MKRN2OS: variants seen among roughly 807,000 people sequenced by gnomAD.
The protein encoded by MKRN2OS is MKRN2 opposite strand protein.
Under a neutral mutation model 18.2 loss-of-function variants are expected in MKRN2OS, and 17 were observed. The observed-to-expected ratio is 0.93, with a 90% CI of 0.64 to 1.40. The LOEUF is 1.40. Ranked by LOEUF, MKRN2OS falls within the 40% of genes most tolerant of loss-of-function variation. The pLI is 0.00. For missense variants in MKRN2OS, 337 were observed against 283.0 expected, an observed-to-expected ratio of 1.19 and a Z score of -1.37; for synonymous variants, 121 against 108.5, an observed-to-expected ratio of 1.12 and a Z score of -0.72.
At chr3:12,548,716 T>C (rs1327269994), upstream of MKRN2OS, among the ~76,000 whole-genome samples, 2 of 152,160 alleles carry the variant, frequency 1.3e-5, no homozygotes, top group African/African-American at 4.8e-5. Context: ...AATATAATCT[T>C]TCTGACACCA....
chr3:12,541,351 T>C (rs969598996), intron 3 of MKRN2OS, among the ~76,000 whole-genome samples: 1 of 151,996 alleles, frequency 6.6e-6, no homozygotes, highest in African/African-American at 2.4e-5. Context: ...GCCTCCCAAG[T>C]AGGGACTACA....
chr3:12,549,836 G>A (rs1235047053), upstream of MKRN2OS, among the ~76,000 whole-genome samples: 4 of 152,168 alleles, frequency 2.6e-5, no homozygotes, highest in Admixed American at 1.3e-4. Context: ...TATAGGTAGC[G>A]CCCTGTAATT....
chr3:12,542,332 T>G (rs1489160256), intron 2 of MKRN2OS, among the ~76,000 whole-genome samples: 3 of 152,190 alleles, frequency 2.0e-5, no homozygotes, highest in African/African-American at 7.2e-5. Flanking sequence ...GATCATCATC[T>G]CCAATATTTT....
intron 1 of MKRN2OS, 82 bp from the exon 2 acceptor site, chr3:12,543,311 G>A: frequency 8.4e-7 from 1 of 1,188,460 alleles, no homozygotes; most frequent in Non-Finnish European, 1.2e-6. Flanking sequence ...AGGATGCCGA[G>A]CACAGTGGCT....
intron 1 of MKRN2OS, among the ~76,000 whole-genome samples, chr3:12,544,683 G>GGA (rs1553606573): frequency 3.6e-4 from 53 of 147,660 alleles, no homozygotes; most frequent in Admixed American, 8.8e-4. Flanking sequence ...CTGTCTCGGG[G>GGA]AAAAAAAAAA....
intron 1 of MKRN2OS, among the ~76,000 whole-genome samples, chr3:12,544,684 A>G (rs532990250): frequency 4.6e-4 from 14 of 30,492 alleles, no homozygotes; most frequent in South Asian, 1.4e-3. Context: ...TGTCTCGGGG[A>G]AAAAAAAAAG....
intron 1 of MKRN2OS, among the ~76,000 whole-genome samples, chr3:12,558,342 C>T (rs1213722985): frequency 6.6e-6 from 1 of 152,118 alleles, no homozygotes; most frequent in African/African-American, 2.4e-5. Flanking sequence ...TTTGTGAAGA[C>T]GGGTTTGTGT....
upstream of MKRN2OS, among the ~76,000 whole-genome samples, chr3:12,546,099 G>A (rs559063924): frequency 4.6e-5 from 7 of 152,240 alleles, no homozygotes; most frequent in South Asian, 1.0e-3. Context: ...GCCTAGAACT[G>A]TTATTTAATC....
intron 1 of MKRN2OS, among the ~76,000 whole-genome samples, chr3:12,556,755 G>A (rs2125296675): frequency 6.6e-6 from 1 of 152,304 alleles, no homozygotes; most frequent in East Asian, 1.9e-4. Flanking sequence ...AGAGGCTGGA[G>A]TTTCCCCAGG....
intron 2 of MKRN2OS, 22 bp from the exon 3 acceptor site, chr3:12,542,044 A>G (rs1017680821): frequency 1.3e-6 from 2 of 1,526,274 alleles, no homozygotes; most frequent in Non-Finnish European, 1.8e-6. Context: ...AACCAAAGTC[A>G]TGTGGAGCCC....
exon 2 of MKRN2OS, chr3:12,553,821 T>C (rs1425367326): frequency 2.6e-5 from 4 of 152,246 alleles, no homozygotes; most frequent in African/African-American, 9.6e-5. Context: ...AGCATGGAGC[T>C]GAATCCCAAG....
downstream of MKRN2OS, among the ~76,000 whole-genome samples, chr3:12,551,293 AG>A: frequency 6.6e-6 from 1 of 152,080 alleles, no homozygotes; most frequent in East Asian, 1.9e-4. Flanking sequence ...AGGAGTTTTG[AG>A]ACCAGCCTGG....
intron 1 of MKRN2OS, chr3:12,557,144 A>G: frequency 2.0e-6 from 3 of 1,519,916 alleles, no homozygotes; most frequent in South Asian, 2.5e-5. Flanking sequence ...CCCTCAGCCC[A>G]GCCACCATGA....
At chr3:12,540,579 G>A (rs140150365) in intron 3 of MKRN2OS, 146 bp from the exon 4 acceptor site, 6 of 948,556 alleles carry the variant, frequency 6.3e-6, no homozygotes, top group Non-Finnish European at 9.5e-6. Context: ...GAAGCTTCAA[G>A]ATGTGCACTT....
Position 12,545,336 on chromosome 3 carries a change from GTCCTCCAGCT to G in MKRN2OS, c.119_128del (p.Lys40ThrfsTer43). ...ATGGATTAGCGATGCTAACAGGTGC[GTCCTCCAGCT>G]TCCTCGAGCCCAGGTCCTGCTGGCA... On this transcript the variant is annotated frameshift_variant, in exon 1 of 4. Transcript: ENST00000564146. LOFTEE classifies it high-confidence loss of function. The G allele has an allele frequency of 6.5e-7, 1 of 1,536,116 alleles. No individual in the cohort carries two copies. The highest frequency in any genetic ancestry group is 8.7e-7 in the Non-Finnish European group (1 of 1,146,908).
Position 12,555,649 on chromosome 3 carries a change from C to G in MKRN2OS, n.265-1515G>C, listed in dbSNP as rs138542513. Among the ~76,000 whole-genome samples the G allele has an allele frequency of 3.8e-4, 58 of 152,262 alleles. No individual in the cohort carries two copies. In the East Asian group the frequency reaches 0.011, roughly 28 times the overall value. ...TATATGAAAGTCAAGAACAGTTAAA[C>G]TAATTTATAGTGATAGAGATGAACC... is the stretch of plus-strand genomic sequence containing the variant. On this transcript the variant is annotated intron_variant and non_coding_transcript_variant, in intron 1 of 1. Coordinates refer to the MKRN2OS transcript ENST00000447550.
chr3:12,543,319 G>A, intron 1 of MKRN2OS, 90 bp from the exon 2 acceptor site: 1 of 1,082,514 alleles, frequency 9.2e-7, no homozygotes, highest in Non-Finnish European at 1.3e-6. Context: ...GAGCACAGTG[G>A]CTTAGACCTG....
chr3:12,543,892 CAAAAA>C (rs10539183), intron 1 of MKRN2OS, among the ~76,000 whole-genome samples: 4 of 127,182 alleles, frequency 3.1e-5, no homozygotes, highest in Admixed American at 7.9e-5. Flanking sequence ...ACCCTGGTCT[CAAAAA>C]AAAAAAAAAA....
chr3:12,548,259 T>C (rs979888519), upstream of MKRN2OS, among the ~76,000 whole-genome samples: 2 of 152,046 alleles, frequency 1.3e-5, no homozygotes, highest in African/African-American at 4.8e-5. Context: ...CCATCCTGGC[T>C]GACACGGTGA....
Sources: allele counts gnomAD v4.1 joint callset (sites outside exome capture counted in the v4.1 genomes callset), GRCh38; gene constraint gnomAD v4.1.1; transcripts MANE v1.5; gene names NCBI Gene and HGNC (gene_info 2026-07-23, HGNC 2026-07-21).